Variants in ACLY observed in about 807,000 individuals in gnomAD.
ACLY encodes ATP-citrate synthase.
In ACLY, 41 loss-of-function variants were observed where a neutral mutation model predicts 133.0. The observed-to-expected ratio is 0.31, with a 90% CI of 0.24 to 0.40. ACLY has a LOEUF of 0.40. ACLY is among the 10% of genes least tolerant of loss of function. The pLI is 1.00. For synonymous variants in ACLY, 495 were observed against 549.3 expected, an observed-to-expected ratio of 0.90 and a Z score of 1.38; for missense variants, 1,046 against 1,453.8, an observed-to-expected ratio of 0.72 and a Z score of 4.56.
chr17:41,874,041 G>T, intron 22 of ACLY, 76 bp from the exon 23 acceptor site: 1 of 1,397,372 alleles, frequency 7.2e-7, no homozygotes, highest in Non-Finnish European at 9.4e-7. Flanking sequence ...CCTGCTGTGT[G>T]TACTCTCAGA....
chr17:41,893,316 G>T, intron 14 of ACLY, 142 bp from the exon 15 acceptor site: 1 of 1,007,688 alleles, frequency 9.9e-7, no homozygotes, highest in Non-Finnish European at 1.3e-6. Context: ...ATGTCAAGAG[G>T]ACAGAATTCT....
At chr17:41,897,536 G>A (rs937779335) in intron 13 of ACLY, among the ~76,000 whole-genome samples, 6 of 152,108 alleles carry the variant, frequency 3.9e-5, no homozygotes, top group Admixed American at 6.6e-5. Context: ...GAGTTGAGGC[G>A]ACCAGGCACG....
chr17:41,905,101 G>T (rs12449367), intron 9 of ACLY, among the ~76,000 whole-genome samples: 6,090 of 152,246 alleles, frequency 0.04, 157 homozygotes, highest in Non-Finnish European at 0.061. Context: ...CTGGCTCAAG[G>T]AAAGAAGAAC....
chr17:41,929,060 T>C (rs937158679), intron 1 of ACLY, among the ~76,000 whole-genome samples: 13 of 151,734 alleles, frequency 8.6e-5, no homozygotes, highest in East Asian at 1.9e-4. Flanking sequence ...ACCCTGTGAA[T>C]GTACACACCT....
chr17:41,901,508 T>C (rs1246610672), intron 11 of ACLY, among the ~76,000 whole-genome samples, 188 bp downstream of exon 11: 3 of 151,644 alleles, frequency 2.0e-5, no homozygotes, highest in South Asian at 2.1e-4. Context: ...ATGAAAATGC[T>C]TTCCTGACCA....
At chr17:41,884,986 C>T (rs2049012766) in intron 18 of ACLY, among the ~76,000 whole-genome samples, 1 of 152,164 alleles carries the variant, frequency 6.6e-6, no homozygotes, top group African/African-American at 2.4e-5. Context: ...CCTCCTGCCT[C>T]AGCCTCCAAA....
rs376483050 is a variant in ACLY at position 41,875,959 on chromosome 17, G to A, written c.2488-1994C>T. ...GGCTGCCCAGTCTGGAAAGTGAGGA[G>A]CGTCTCTGCCCGGCCGCTATCCCAT... On this transcript the variant is annotated intron_variant, in intron 22 of 28. Coordinates refer to ENST00000352035, the MANE Select transcript of ACLY (RefSeq NM_001096.3). 1.3e-3 allele frequency among the ~76,000 whole-genome samples: 199 copies of A among 151,042 alleles called. 4 individuals are homozygous for A. In the East Asian group the frequency reaches 0.034, roughly 26 times the overall value.
At chr17:41,876,686 T>C (rs2048767924) in intron 22 of ACLY, among the ~76,000 whole-genome samples, 1 of 152,214 alleles carries the variant, frequency 6.6e-6, no homozygotes, top group South Asian at 2.1e-4. Flanking sequence ...GTGCAAGGTG[T>C]GCTTTGTTAA....
At chr17:41,867,927 T>C in intron 28 of ACLY, 23 bp from the exon 29 acceptor site, 1 of 1,549,488 alleles carries the variant, frequency 6.5e-7, no homozygotes. Context: ...AAACACATCT[T>C]TTTTATTAGA....
rs140674334 is a variant in ACLY at position 41,884,268 on chromosome 17, C to A, written c.2079G>T (p.Pro693=). The change falls in exon 19 of 29, where the codon CCG becomes CCT. Residue 693 remains proline (P), a synonymous_variant. Coordinates refer to ENST00000352035, the MANE Select transcript of ACLY (RefSeq NM_001096.3). ...ACACATGATCCATGAATGTGGAGCC[C>A]GGGTACCTGTTGAGAGCAGGGAGTA... is the stretch of plus-strand genomic sequence containing the variant. ...EGVAIGGDRY[P]GSTFMDHVLR... 1.2e-6 allele frequency: 2 copies of A among 1,608,520 alleles called. No homozygotes were observed.
rs1423332501 is a variant in ACLY, at chr17:41,912,626, G to A, written c.160-84C>T. On this transcript the variant is annotated intron_variant, in intron 2 of 28. Transcript: ENST00000352035. ...TGGGGATCCAAATAGAGGACAGCAG[G>A]GATTGACTTCCCATTCACTCTGCTC... 3.3e-6 allele frequency: 5 copies of A among 1,532,822 alleles called. No individual in the cohort carries two copies. In the Admixed American group the frequency reaches 8.8e-5, roughly 27 times the overall value. 95.0% of individuals were successfully genotyped at this position (1,532,822 alleles called of 1,614,324 possible). A position where few individuals can be genotyped will look rare whatever the true frequency, so the allele number is the denominator to read the frequency against.
chr17:41,892,162 G>C, intron 16 of ACLY, 117 bp downstream of exon 16: 7 of 1,016,818 alleles, frequency 6.9e-6, no homozygotes, highest in Non-Finnish European at 9.8e-6. Context: ...CAGCAGTGAC[G>C]GGACATCAAC....
chr17:41,885,564 G>T (rs754110115), intron 18 of ACLY, among the ~76,000 whole-genome samples: 17 of 152,138 alleles, frequency 1.1e-4, no homozygotes, highest in Non-Finnish European at 1.6e-4. Context: ...AAAATAATGA[G>T]GATACTATTA....
intron 5 of ACLY, 30 bp from the exon 6 acceptor site, chr17:41,909,098 C>T (rs2049813750): frequency 1.3e-6 from 2 of 1,571,878 alleles, no homozygotes; most frequent in African/African-American, 1.4e-5. Context: ...AGGGACAGTT[C>T]ATCCATCAGG....
At position 41,869,526 on chromosome 17, in the gene ACLY, G is replaced by T. The variant is rs200051153; in HGVS notation, c.2999C>A (p.Ala1000Asp). ...CAGTGCATAATCGAGCAGAGGAGTG[G>T]CAGGGAAGTGCTGCCTGACGTAATC... ...LKDYVRQHFP[A>D]TPLLDYALEV... Residue 1000 changes from alanine to aspartate, a missense_variant, in exon 26 of 29, where the codon GCC becomes GAC. By Grantham distance (126) the Ala-to-Asp change is moderately radical (BLOSUM62 -2). Transcript: ENST00000352035. The T allele has an allele frequency of 1.9e-6, 3 of 1,614,156 alleles. No individual in the cohort carries two copies. In the East Asian group the frequency reaches 6.7e-5, roughly 36 times the overall value.
At position 41,873,875 on chromosome 17, in the gene ACLY, T is replaced by A; in HGVS notation, c.2578A>T (p.Thr860Ser). Residue 860 changes from threonine (T) to serine (S), a missense_variant, in exon 23 of 29, where the codon ACT becomes TCT. Thr to Ser is a moderately conservative substitution (Grantham distance 58). Transcript: ENST00000352035. ...CCCATCTCTTCCTTGAAGACCTCAG[T>A]GATGGGCATGCCCGCGTAGATGAGC... ...QELIYAGMPI[T>S]EVFKEEMGIG... The A allele has an allele frequency of 6.2e-7, 1 of 1,608,786 alleles. No individual in the cohort carries two copies. The highest frequency in any genetic ancestry group is 1.1e-5 in the South Asian group (1 of 90,704).
chr17:41,926,488 GTT>G lies in ACLY; in HGVS notation c.-28+3868_-28+3869del, dbSNP rs1243576323. Among the ~76,000 whole-genome samples, 3 of 152,268 alleles carry G rather than the reference GTT, an allele frequency of 2.0e-5. No homozygotes were observed. The East Asian group carries it at 5.8e-4, about 29-fold the overall frequency. On this transcript the variant is annotated intron_variant, in intron 1 of 3. Transcript: ENST00000592970. ...TTATGATTGGTATTTTATGGTTTTTGTTTTGTTTTGTTTTTTTGAGATGAAAT... is the reference window on the plus strand; with the variant it reads ...TTATGATTGGTATTTTATGGTTTTTGTTGTTTTGTTTTTTTGAGATGAAAT...
chr17:41,902,256 C>T (rs782793334), intron 10 of ACLY, among the ~76,000 whole-genome samples: 11 of 152,192 alleles, frequency 7.2e-5, no homozygotes, highest in East Asian at 1.9e-4. Flanking sequence ...CTCTGTCACC[C>T]GGGCTGGGGT....
At position 41,904,405 on chromosome 17, in the gene ACLY, GGAAA is replaced by G. The variant is rs781868604; in HGVS notation, c.1065+320_1065+323del. The stretch of plus-strand genomic sequence containing the variant: ...GGGAAGGGAAAGGAAGAGAAGGGAA[GGAAA>G]GAAAGAAAGGATCGATTGAGCCAGT... On this transcript the variant is annotated intron_variant, in intron 10 of 28. Coordinates refer to ENST00000352035, the MANE Select transcript of ACLY (RefSeq NM_001096.3). The G allele has an allele frequency of 5.1e-4, 136 of 267,020 alleles. 1 individual carries two copies. Among genetic ancestry groups the G allele is most frequent in the Non-Finnish European group, 7.7e-4 (108 of 139,856 alleles). The allele number at this position is 267,020 out of a possible 1,614,324, so 16.5% of individuals were successfully genotyped here. A position where few individuals can be genotyped will look rare whatever the true frequency, so the allele number is the denominator to read the frequency against.
Sources: allele counts gnomAD v4.1 joint callset (sites outside exome capture counted in the v4.1 genomes callset), GRCh38; gene constraint gnomAD v4.1.1; transcripts MANE v1.5; gene names NCBI Gene and HGNC (gene_info 2026-07-23, HGNC 2026-07-21).